The following TEX15 variants were observed in gnomAD, a reference collection of about 807,000 sequenced individuals.
The protein encoded by TEX15 is testis expressed 15, meiosis and synapsis associated.
Under a neutral mutation model 237.3 loss-of-function variants are expected in TEX15, and 171 were observed. The observed-to-expected ratio is 0.72, with a 90% CI of 0.64 to 0.82. The LOEUF (loss-of-function observed/expected upper bound fraction) is 0.82, where lower values mean the gene tolerates loss of function less well. Among genes scored for constraint, TEX15 ranks in the 40% least tolerant of loss-of-function variants. The pLI is 0.00. For synonymous variants in TEX15, 1,338 were observed against 1,269.8 expected, an observed-to-expected ratio of 1.05 and a Z score of -1.14; for missense variants, 3,750 against 3,646.5, an observed-to-expected ratio of 1.03 and a Z score of -0.73.
In TEX15 at chr8:30,842,779, G is replaced by C. The variant is rs1807492210; in HGVS notation, c.7388C>G (p.Ala2463Gly). Residue 2463 changes from alanine (A) to glycine (G), a missense_variant, in exon 8 of 11, where the codon GCA becomes GGA. Coordinates refer to ENST00000643185, the MANE Select transcript of TEX15 (RefSeq NM_001350162.2). ...AAACCTCTGTTTGTCTAGTTTCTTTGCTATTGAGTTTTTAAGAAAGTGAAT... is the reference window on the plus strand; with the variant it reads ...AAACCTCTGTTTGTCTAGTTTCTTTCCTATTGAGTTTTTAAGAAAGTGAAT... ...ETIHFLKNSI[A>G]KKLDKQRFRG... 6.2e-7 allele frequency: 1 copy of C among 1,613,172 alleles called. No homozygotes were observed. The highest frequency in any genetic ancestry group is 1.3e-5 in the African/African-American group (1 of 74,858).
intron 1 of TEX15, among the ~76,000 whole-genome samples, chr8:30,905,293 G>A (rs996088881): frequency 6.6e-6 from 1 of 150,598 alleles, no homozygotes; most frequent in African/African-American, 2.4e-5. Context: ...GTAGGCAAAA[G>A]TTGAATATTA....
At chr8:30,867,143 T>A in intron 5 of TEX15, 122 bp downstream of exon 5, 1 of 380,470 alleles carries the variant, frequency 2.6e-6, no homozygotes, top group Non-Finnish European at 4.6e-6. Context: ...ATAAATATAA[T>A]TATTACTTAT....
At chr8:30,873,437 T>C (rs932416866) in intron 4 of TEX15, among the ~76,000 whole-genome samples, 2 of 152,182 alleles carry the variant, frequency 1.3e-5, no homozygotes, top group African/African-American at 4.8e-5. Context: ...CACTCTAATA[T>C]GCTGAGTTTT....
intron 2 of TEX15, among the ~76,000 whole-genome samples, chr8:30,895,497 A>G (rs922821335): frequency 2.0e-5 from 3 of 151,816 alleles, no homozygotes; most frequent in Non-Finnish European, 4.4e-5. Context: ...TATTGGACTT[A>G]AAGAATGTTG....
chr8:30,859,143 T>C lies in TEX15; in HGVS notation c.688-313A>G, dbSNP rs1443709392. On this transcript the variant is annotated intron_variant, in intron 6 of 10. Coordinates refer to ENST00000643185, the MANE Select transcript of TEX15 (RefSeq NM_001350162.2). The stretch of plus-strand genomic sequence containing the variant: ...ACTCTATTTTATTTGGTAGAAAAAA[T>C]TAGGAAAATAACAATAGGTAATCTG... Among the ~76,000 whole-genome samples, 3 of 152,152 alleles carry C rather than the reference T, an allele frequency of 2.0e-5. No homozygotes were observed. The East Asian group carries it at 5.8e-4, about 29-fold the overall frequency.
Position 30,847,971 on chromosome 8 carries a change from C to T in TEX15, c.2196G>A (p.Glu732=). 1 of 1,613,928 alleles carries T rather than the reference C, an allele frequency of 6.2e-7. No homozygotes were observed. The highest frequency in any genetic ancestry group is 1.3e-5 in the African/African-American group (1 of 75,042). ...TGGCTAAACTTGTATGAATGTTACC[C>T]TCATACTCCACAGAGTGCTGAGGAT... The part of the protein sequence containing the change: ...QKHPQHSVEY[E]GNIHTSLAIA... Residue 732 remains glutamate (E), a synonymous_variant, in exon 8 of 11, where the codon GAG becomes GAA. Coordinates refer to ENST00000643185, the MANE Select transcript of TEX15 (RefSeq NM_001350162.2).
intron 5 of TEX15, among the ~76,000 whole-genome samples, chr8:30,862,117 G>A (rs968846685): frequency 2.0e-5 from 3 of 152,094 alleles, no homozygotes; most frequent in African/African-American, 7.2e-5. Context: ...ATCAAAAGAT[G>A]TAAAAATGTA....
chr8:30,868,033 G>T (rs765380682), intron 4 of TEX15, among the ~76,000 whole-genome samples: 1 of 151,808 alleles, frequency 6.6e-6, no homozygotes, highest in South Asian at 2.1e-4. Context: ...CTATATCTAC[G>T]TATCTCTACA....
At chr8:30,861,556 A>T (rs1808051172) in intron 5 of TEX15, among the ~76,000 whole-genome samples, 1 of 152,178 alleles carries the variant, frequency 6.6e-6, no homozygotes, top group Non-Finnish European at 1.5e-5. Context: ...CAAAAGCCAA[A>T]TAAAGTCTGT....
intron 10 of TEX15, among the ~76,000 whole-genome samples, chr8:30,836,503 C>T (rs548830325): frequency 3.9e-5 from 6 of 152,196 alleles, no homozygotes; most frequent in Non-Finnish European, 2.9e-5. Context: ...TGAGCCACTG[C>T]GCCCAGCCCC....
At position 30,874,947 on chromosome 8, in the gene TEX15, T is replaced by TA; in HGVS notation, c.291dup (p.Thr98TyrfsTer3). ...ATCATAGTAACTTACCTCTTAGCAG[T>TA]AAAATTTTTTTCCAGTTCCTCATTG... is the stretch of plus-strand genomic sequence containing the variant. On this transcript the variant is annotated frameshift_variant, in exon 4 of 11. Coordinates refer to ENST00000643185, the MANE Select transcript of TEX15 (RefSeq NM_001350162.2). LOFTEE classifies it high-confidence loss of function. The TA allele has an allele frequency of 7.5e-7, 1 of 1,334,182 alleles. No individual in the cohort carries two copies. The highest frequency in any genetic ancestry group is 9.6e-7 in the Non-Finnish European group (1 of 1,042,056). 82.6% of individuals were successfully genotyped at this position (1,334,182 alleles called of 1,614,324 possible).
chr8:30,842,892 G>A lies in TEX15; in HGVS notation c.7275C>T (p.Asp2425=), dbSNP rs750349049. ...CCTCATGGCTGTGGTTTATCACCAC[G>A]TCTAAAACATTTTCTTCTGTGATAA... The part of the protein sequence containing the change: ...NIFITEENVL[D]VVINHSHEAI... The change falls in exon 8 of 11, where the codon GAC becomes GAT. Residue 2425 remains aspartate (D), a synonymous_variant. Transcript: ENST00000643185. 16 of 1,609,586 alleles carry A rather than the reference G, an allele frequency of 9.9e-6. No individual in the cohort carries two copies. The highest frequency in any genetic ancestry group is 1.7e-4 in the Middle Eastern group (1 of 6,000).
chr8:30,911,725 A>G (rs1433774788), intron 1 of TEX15, among the ~76,000 whole-genome samples: 1 of 152,106 alleles, frequency 6.6e-6, no homozygotes, highest in Non-Finnish European at 1.5e-5. Flanking sequence ...ACTTTCTCGA[A>G]CATCATCCCT....
At chr8:30,877,393 C>A (rs1210634431) in intron 3 of TEX15, among the ~76,000 whole-genome samples, 1 of 152,086 alleles carries the variant, frequency 6.6e-6, no homozygotes, top group South Asian at 2.1e-4. Context: ...ATAAATGAAC[C>A]TAATTAACAA....
At chr8:30,904,257 G>A (rs1809056481) in intron 1 of TEX15, among the ~76,000 whole-genome samples, 1 of 152,096 alleles carries the variant, frequency 6.6e-6, no homozygotes, top group African/African-American at 2.4e-5. Context: ...GACCAGCCTG[G>A]CCAACACGGG....
Position 30,831,576 on chromosome 8 carries a change from T to C in TEX15, c.*1710A>G, listed in dbSNP as rs1807180955. The stretch of plus-strand genomic sequence containing the variant: ...AAAAATATTCCATGTTTTAATATTC[T>C]GTCACGTACAGATTTTTTAAAAATG... On this transcript the variant is annotated 3_prime_UTR_variant, in exon 11 of 11. Coordinates refer to ENST00000643185, the MANE Select transcript of TEX15 (RefSeq NM_001350162.2). The C allele has an allele frequency of 1.3e-5, 2 of 152,226 alleles. No homozygotes were observed. Among genetic ancestry groups the C allele is most frequent in the Admixed American group, 1.3e-4 (2 of 15,272 alleles). The allele number at this position is 152,226 out of a possible 1,614,324, so 9.4% of individuals were successfully genotyped here. A position where few individuals can be genotyped will look rare whatever the true frequency, so the allele number is the denominator to read the frequency against.
chr8:30,850,570 T>C (rs1242904050), intron 7 of TEX15, among the ~76,000 whole-genome samples: 1 of 152,154 alleles, frequency 6.6e-6, no homozygotes, highest in East Asian at 1.9e-4. Flanking sequence ...TTACTTACAG[T>C]AAGCTATCAT....
chr8:30,832,526 G>A lies in TEX15; in HGVS notation c.*760C>T, dbSNP rs1004286990. On this transcript the variant is annotated 3_prime_UTR_variant, in exon 11 of 11. Transcript: ENST00000643185. Reference sequence around the variant, plus strand: ...GGTTAAAAAGAAAAGTCTATGACAAGAGCATGAAAAAACTATGTTTGTGCC... The same window carrying A: ...GGTTAAAAAGAAAAGTCTATGACAAAAGCATGAAAAAACTATGTTTGTGCC... 3.9e-5 allele frequency: 6 copies of A among 152,164 alleles called. No individual in the cohort carries two copies. The highest frequency in any genetic ancestry group is 5.9e-5 in the Non-Finnish European group (4 of 68,006). 9.4% of individuals were successfully genotyped at this position (152,164 alleles called of 1,614,324 possible). A position where few individuals can be genotyped will look rare whatever the true frequency, so the allele number is the denominator to read the frequency against.
rs1424439097 is a variant in TEX15, at chr8:30,848,040, C to T, written c.2127G>A (p.Leu709=). Residue 709 remains leucine, a synonymous_variant, in exon 8 of 11, where the codon TTG becomes TTA. Coordinates refer to ENST00000643185, the MANE Select transcript of TEX15 (RefSeq NM_001350162.2). ...CAAAACTTGGAGTAATTTGCCATTC[C>T]AATGCTAGATGATCTAGTTCATCCT... The part of the protein sequence containing the change: ...KDKDELDHLA[L]EWQITPSFES... 6.2e-7 allele frequency: 1 copy of T among 1,613,866 alleles called. No homozygotes were observed. Among genetic ancestry groups the T allele is most frequent in the Admixed American group, 1.7e-5 (1 of 60,010 alleles).
Sources: gnomAD v4.1 joint callset for allele counts (sites outside exome capture counted in the v4.1 genomes callset) on GRCh38, gnomAD v4.1.1 for gene constraint, MANE v1.5 for transcripts, NCBI Gene and HGNC (gene_info 2026-07-23, HGNC 2026-07-21) for gene names.